HS6ST3: variants seen among roughly 807,000 people sequenced by gnomAD.
The protein encoded by HS6ST3 is heparan-sulfate 6-O-sulfotransferase 3.
In HS6ST3, 12 loss-of-function variants were observed where a neutral mutation model predicts 36.7. That is an observed-to-expected ratio of 0.33 (90% CI 0.21 to 0.53). The LOEUF (loss-of-function observed/expected upper bound fraction) is 0.53, where lower values mean the gene tolerates loss of function less well. Among genes scored for constraint, HS6ST3 ranks in the 20% least tolerant of loss-of-function variants. HS6ST3 has a pLI of 0.95. For synonymous variants in HS6ST3, 240 were observed against 257.5 expected (o/e 0.93, Z 0.65); for missense variants, 584 against 640.9 (o/e 0.91, Z 0.96).
chr13:96,492,259 A>G (rs1158490931), intron 1 of HS6ST3, among the ~76,000 whole-genome samples: 1 of 152,192 alleles, frequency 6.6e-6, no homozygotes, highest in Admixed American at 6.5e-5. Flanking sequence ...GCAGACAGTG[A>G]CACTCTTTCT....
Position 96,836,332 on chromosome 13 carries a change from G to A in HS6ST3, c.*3134G>A, listed in dbSNP as rs1235529513. On this transcript the variant is annotated 3_prime_UTR_variant, in exon 2 of 2. Coordinates refer to ENST00000376705, the MANE Select transcript of HS6ST3 (RefSeq NM_153456.4). ...GACAACTTTGTGTATATGTGCACGT[G>A]TGTGGTGTGTGTGTGTTTTATTAAG... 1 of 152,198 alleles carries A rather than the reference G, an allele frequency of 6.6e-6. No individual in the cohort carries two copies. Among genetic ancestry groups the A allele is most frequent in the African/African-American group, 2.4e-5 (1 of 41,446 alleles). The allele number at this position is 152,198 out of a possible 1,614,324, so 9.4% of individuals were successfully genotyped here. A position where few individuals can be genotyped will look rare whatever the true frequency, so the allele number is the denominator to read the frequency against.
chr13:96,569,557 A>G (rs2056293728), intron 1 of HS6ST3, among the ~76,000 whole-genome samples: 1 of 152,222 alleles, frequency 6.6e-6, no homozygotes. Context: ...AAGGATAACA[A>G]CTGGTGAAAA....
chr13:96,177,438 A>T (rs1279807217), intron 1 of HS6ST3, among the ~76,000 whole-genome samples: 2 of 152,206 alleles, frequency 1.3e-5, no homozygotes, highest in African/African-American at 4.8e-5. Context: ...ATATTATGCC[A>T]CCATAATAAA....
intron 1 of HS6ST3, among the ~76,000 whole-genome samples, chr13:96,622,155 C>T (rs1333759803): frequency 6.7e-6 from 1 of 150,044 alleles, no homozygotes. Flanking sequence ...ATTTCTATGT[C>T]AAAGTGATTT....
chr13:96,774,946 C>A (rs921879284), intron 1 of HS6ST3, among the ~76,000 whole-genome samples: 1 of 152,110 alleles, frequency 6.6e-6, no homozygotes, highest in Non-Finnish European at 1.5e-5. Context: ...GGTTGGGTTA[C>A]CCACCAAGGG....
At chr13:96,291,692 C>T (rs1198637395) in intron 1 of HS6ST3, among the ~76,000 whole-genome samples, 1 of 152,106 alleles carries the variant, frequency 6.6e-6, no homozygotes, top group East Asian at 1.9e-4. Context: ...TTGTTTTGTG[C>T]TGTGATGAAG....
chr13:96,096,968 T>TA (rs1252924967), intron 1 of HS6ST3, among the ~76,000 whole-genome samples: 2 of 152,220 alleles, frequency 1.3e-5, no homozygotes, highest in Non-Finnish European at 2.9e-5. Context: ...ACTAAAGAGA[T>TA]ATGAGATTGT....
At chr13:96,500,704 TG>T (rs2056000052) in intron 1 of HS6ST3, among the ~76,000 whole-genome samples, 1 of 152,208 alleles carries the variant, frequency 6.6e-6, no homozygotes, top group African/African-American at 2.4e-5. Flanking sequence ...CCTCCCATCC[TG>T]GGAATGGTGT....
chr13:96,577,732 A>G (rs1023586822), intron 1 of HS6ST3, among the ~76,000 whole-genome samples: 1 of 152,210 alleles, frequency 6.6e-6, no homozygotes, highest in Non-Finnish European at 1.5e-5. Context: ...GCCAACAAAC[A>G]TGAAAAAAAG....
chr13:96,227,598 G>A (rs1346198675), intron 1 of HS6ST3, among the ~76,000 whole-genome samples: 1 of 152,164 alleles, frequency 6.6e-6, no homozygotes, highest in Non-Finnish European at 1.5e-5. Flanking sequence ...TTAAATAACT[G>A]ATTTCTATCC....
At chr13:96,357,806 G>A (rs982549514) in intron 1 of HS6ST3, among the ~76,000 whole-genome samples, 1 of 152,174 alleles carries the variant, frequency 6.6e-6, no homozygotes, top group Admixed American at 6.5e-5. Context: ...ACAGACGTGA[G>A]CCATTGCAGC....
intron 1 of HS6ST3, among the ~76,000 whole-genome samples, chr13:96,732,392 G>A (rs1876178676): frequency 6.6e-6 from 1 of 152,012 alleles, no homozygotes; most frequent in Admixed American, 6.6e-5. Flanking sequence ...TTCTGCATGT[G>A]AATATCTAGT....
At position 96,419,490 on chromosome 13, in the gene HS6ST3, G is replaced by A. The variant is rs182048270; in HGVS notation, c.707+327921G>A. 2.2e-3 allele frequency among the ~76,000 whole-genome samples: 333 copies of A among 152,350 alleles called. 5 individuals carry two copies. The highest frequency in any genetic ancestry group is 0.02 in the Middle Eastern group (6 of 294). On this transcript the variant is annotated intron_variant, in intron 1 of 1. Transcript: ENST00000376705. ...TGTTTTGATGATAGATAGATAAATGGAGGTAGATAGATGGATGGATAGATA... is the reference window on the plus strand; with the variant it reads ...TGTTTTGATGATAGATAGATAAATGAAGGTAGATAGATGGATGGATAGATA...
At chr13:96,180,081 C>T (rs535376892) in intron 1 of HS6ST3, among the ~76,000 whole-genome samples, 7 of 152,208 alleles carry the variant, frequency 4.6e-5, no homozygotes, top group Non-Finnish European at 7.4e-5. Flanking sequence ...GTGATCCACC[C>T]GCCTCAGCCT....
At chr13:96,106,273 GA>G (rs1000269314) in intron 1 of HS6ST3, among the ~76,000 whole-genome samples, 1 of 152,188 alleles carries the variant, frequency 6.6e-6, no homozygotes, top group Non-Finnish European at 1.5e-5. Flanking sequence ...TACAACCGAA[GA>G]GGAGATGAGA....
chr13:96,549,302 T>C (rs2056209985), intron 1 of HS6ST3, among the ~76,000 whole-genome samples: 1 of 152,166 alleles, frequency 6.6e-6, no homozygotes. Context: ...CCATGATTTA[T>C]GTGTGGTTGA....
intron 1 of HS6ST3, among the ~76,000 whole-genome samples, chr13:96,397,687 A>G (rs2055429141): frequency 6.6e-6 from 1 of 152,236 alleles, no homozygotes. Flanking sequence ...AAACAAACAA[A>G]ACATAGAGAG....
chr13:96,602,702 G>T (rs1049054572), intron 1 of HS6ST3, among the ~76,000 whole-genome samples: 13 of 152,292 alleles, frequency 8.5e-5, no homozygotes, highest in East Asian at 5.8e-4. Context: ...GCCTGATGCT[G>T]TGTGGTCTCT....
chr13:96,654,304 A>G (rs2056617354), intron 1 of HS6ST3, among the ~76,000 whole-genome samples: 1 of 152,074 alleles, frequency 6.6e-6, no homozygotes, highest in Non-Finnish European at 1.5e-5. Flanking sequence ...CCTGAATGGT[A>G]TTGCCTAGGT....
Sources: gnomAD v4.1 joint callset for allele counts (sites outside exome capture counted in the v4.1 genomes callset) on GRCh38, gnomAD v4.1.1 for gene constraint, MANE v1.5 for transcripts, NCBI Gene and HGNC (gene_info 2026-07-23, HGNC 2026-07-21) for gene names.